SLC12A2: variants seen among roughly 807,000 people sequenced by gnomAD.
SLC12A2 encodes solute carrier family 12 member 2.
SLC12A2 carries 67 observed loss-of-function variants against 136.3 expected under a neutral mutation model. The ratio of observed to expected loss-of-function variants is 0.49; its 90% CI spans 0.40 to 0.60. The LOEUF (loss-of-function observed/expected upper bound fraction) is 0.60, where lower values mean the gene tolerates loss of function less well. Ranked by LOEUF, SLC12A2 falls within the 20% of genes least tolerant of loss-of-function variation. The pLI, the probability that SLC12A2 is intolerant of heterozygous loss-of-function variation, is 0.00. For missense variants in SLC12A2, 1,322 were observed against 1,534.7 expected (o/e 0.86, Z 2.32); for synonymous variants, 619 against 562.9 (o/e 1.10, Z -1.41).
At chr5:128,166,937 T>C (rs1052966527) in intron 17 of SLC12A2, among the ~76,000 whole-genome samples, 2 of 152,092 alleles carry the variant, frequency 1.3e-5, no homozygotes, top group Admixed American at 6.6e-5. Flanking sequence ...TGGCCCTCTG[T>C]GTCTGCAGGT....
At chr5:128,107,513 G>C (rs759418181) in intron 1 of SLC12A2, among the ~76,000 whole-genome samples, 22 of 152,060 alleles carry the variant, frequency 1.4e-4, no homozygotes, top group African/African-American at 2.4e-5. Flanking sequence ...TCATTGTTCA[G>C]CTCCCACTTA....
In SLC12A2 at chr5:128,089,359, A is replaced by G. The variant is rs182812468; in HGVS notation, c.756+4649A>G. Among the ~76,000 whole-genome samples, 38 of 152,218 alleles carry G rather than the reference A, an allele frequency of 2.5e-4. 1 individual carries two copies. The highest frequency in any genetic ancestry group is 4.7e-4 in the Non-Finnish European group (32 of 68,010). On this transcript the variant is annotated intron_variant, in intron 1 of 26. Transcript: ENST00000262461. ...ACTGTGATTATGCCTGTGAACAGCC[A>G]CTGCGCTTCAGCATGGGCAAAACAG...
chr5:128,104,158 T>A (rs1192110282), intron 1 of SLC12A2, among the ~76,000 whole-genome samples: 4 of 152,052 alleles, frequency 2.6e-5, no homozygotes, highest in South Asian at 4.1e-4. Flanking sequence ...CCTGGAACAT[T>A]GATTAAAAGG....
chr5:128,109,372 G>A (rs948760170), intron 1 of SLC12A2: 8 of 313,674 alleles, frequency 2.6e-5, no homozygotes, highest in African/African-American at 6.5e-5. Context: ...CAGGCAGCAC[G>A]CTTTGGAGTC....
At position 128,161,763 on chromosome 5, in the gene SLC12A2, C is replaced by A. The variant is rs1258275008; in HGVS notation, c.2579C>A (p.Ala860Glu). ...KMKAFYAPVH[A>E]DDLREGAQYL... ...AAGGCATTTTATGCTCCAGTACATG[C>A]AGATGACTTGAGAGAAGGTGCACAG... The change falls in exon 17 of 27, where the codon GCA (alanine) becomes GAA (glutamate). Residue 860 changes from alanine (A) to glutamate (E), a missense_variant. Ala to Glu is a moderately radical substitution (Grantham distance 107). Transcript: ENST00000262461. 1.3e-6 allele frequency: 2 copies of A among 1,507,860 alleles called. No homozygotes were observed. The highest frequency in any genetic ancestry group is 1.4e-5 in the African/African-American group (1 of 69,872). The allele number at this position is 1,507,860 out of a possible 1,614,324, so 93.4% of individuals were successfully genotyped here. A position where few individuals can be genotyped will look rare whatever the true frequency, so the allele number is the denominator to read the frequency against.
chr5:128,155,520 A>G (rs1431721673), intron 15 of SLC12A2, among the ~76,000 whole-genome samples: 1 of 152,174 alleles, frequency 6.6e-6, no homozygotes, highest in Non-Finnish European at 1.5e-5. Context: ...TTTCTTTGCT[A>G]CATAGCTTTT....
chr5:128,141,270 C>G (rs1762355600), intron 9 of SLC12A2, among the ~76,000 whole-genome samples: 1 of 152,138 alleles, frequency 6.6e-6, no homozygotes, highest in African/African-American at 2.4e-5. Context: ...TCACTCTGCT[C>G]TATGGGTTCT....
chr5:128,116,394 A>AATAT (rs60538639), intron 4 of SLC12A2, among the ~76,000 whole-genome samples: 212 of 144,260 alleles, frequency 1.5e-3, no homozygotes, highest in East Asian at 6.4e-3. Context: ...TGTATATATA[A>AATAT]ATATATATAT....
intron 17 of SLC12A2, among the ~76,000 whole-genome samples, chr5:128,163,873 G>A (rs761605114): frequency 6.6e-6 from 1 of 152,056 alleles, no homozygotes; most frequent in Non-Finnish European, 1.5e-5. Context: ...GTTTCTTAAC[G>A]GCGCGGTAGA....
chr5:128,155,091 T>A (rs1581118976), intron 15 of SLC12A2, among the ~76,000 whole-genome samples: 1 of 152,144 alleles, frequency 6.6e-6, no homozygotes, highest in Non-Finnish European at 1.5e-5. Flanking sequence ...GTTGATCTGA[T>A]AACCAGGACA....
intron 2 of SLC12A2, 74 bp from the exon 3 acceptor site, chr5:128,114,134 TTGAC>T (rs907509674): frequency 5.9e-6 from 6 of 1,009,666 alleles, no homozygotes; most frequent in Non-Finnish European, 9.2e-6. Context: ...ATGTTCTACT[TTGAC>T]TGGTTTAATG....
chr5:128,152,955 T>G lies in SLC12A2; in HGVS notation c.2363+150T>G, dbSNP rs1561690368. 1.2e-5 allele frequency: 7 copies of G among 590,834 alleles called. No homozygotes were observed. In the Admixed American group the frequency reaches 2.1e-4, roughly 17 times the overall value. The allele number at this position is 590,834 out of a possible 1,614,324, so 36.6% of individuals were successfully genotyped here. A position where few individuals can be genotyped will look rare whatever the true frequency, so the allele number is the denominator to read the frequency against. On this transcript the variant is annotated intron_variant, in intron 15 of 26. Transcript: ENST00000262461. ...AGAACAAAATTGTACAAAGAAAAAT[T>G]AATATCTACCTTAAAAAATGTTATG...
Position 128,126,971 on chromosome 5 carries a change from T to TATATATATATATATATATATAA in SLC12A2, c.1049-4096_1049-4095insATATATATATATATATATATAA, listed in dbSNP as rs1347112296. 1.5e-4 allele frequency among the ~76,000 whole-genome samples: 19 copies of TATATATATATATATATATATAA among 122,992 alleles called. 1 individual carries two copies. Among genetic ancestry groups the TATATATATATATATATATATAA allele is most frequent in the African/African-American group, 7.3e-4 (19 of 26,050 alleles). 80.7% of individuals were successfully genotyped at this position (122,992 alleles called of 152,430 possible). ...ATATATATATATATATATATATTTT[T>TATATATATATATATATATATAA]TTTTTTTTTTTTTTTTGCATCTAAA... On this transcript the variant is annotated intron_variant, in intron 4 of 26. Transcript: ENST00000262461.
In SLC12A2 at chr5:128,084,577, A is replaced by C; in HGVS notation, c.623A>C (p.Tyr208Ser). 5 of 1,613,636 alleles carry C rather than the reference A, an allele frequency of 3.1e-6. No homozygotes were observed. Among genetic ancestry groups the C allele is most frequent in the Non-Finnish European group, 4.2e-6 (5 of 1,179,970 alleles). Reference sequence around the variant, plus strand: ...TATTATGATACCCACACCAACACCTACTACCTGCGCACCTTCGGCCACAAC... The same window carrying C: ...TATTATGATACCCACACCAACACCTCCTACCTGCGCACCTTCGGCCACAAC... ...HYYYDTHTNT[Y>S]YLRTFGHNTM... Residue 208 changes from tyrosine to serine, a missense_variant, in exon 1 of 27, where the codon TAC (tyrosine) becomes TCC (serine). By Grantham distance (144) the Tyr-to-Ser change is moderately radical. Around this residue, in one of 8 missense-constraint regions of SLC12A2, gnomAD observed 32 missense variants for 63.6 expected, o/e 0.50. Coordinates refer to ENST00000262461, the MANE Select transcript of SLC12A2 (RefSeq NM_001046.3). The surrounding 1 kb of genome is among the most constrained non-coding windows in gnomAD (Gnocchi z 5.6).
At chr5:128,087,195 G>T (rs529929464) in intron 1 of SLC12A2, among the ~76,000 whole-genome samples, 1 of 152,242 alleles carries the variant, frequency 6.6e-6, no homozygotes, top group Non-Finnish European at 1.5e-5. Context: ...GGTGCATCTT[G>T]CTATATTATA....
chr5:128,135,628 T>C (rs984998547), intron 6 of SLC12A2, 72 bp from the exon 7 acceptor site: 1 of 1,008,290 alleles, frequency 9.9e-7, no homozygotes, highest in South Asian at 1.4e-5. Flanking sequence ...ATGGAAGTTA[T>C]ATTCTAGGGG....
intron 20 of SLC12A2, among the ~76,000 whole-genome samples, chr5:128,176,124 G>C (rs958228163): frequency 6.6e-6 from 1 of 151,992 alleles, no homozygotes; most frequent in Non-Finnish European, 1.5e-5. Context: ...GTCTATCTTG[G>C]TTATTGAAGC....
chr5:128,125,442 C>A (rs1170575866), intron 4 of SLC12A2, among the ~76,000 whole-genome samples: 1 of 152,096 alleles, frequency 6.6e-6, no homozygotes, highest in Non-Finnish European at 1.5e-5. Flanking sequence ...TGTTTACTGG[C>A]CACTTGTACA....
intron 22 of SLC12A2, among the ~76,000 whole-genome samples, chr5:128,180,033 A>C (rs1056793518): frequency 8.2e-6 from 1 of 121,768 alleles, no homozygotes; most frequent in Non-Finnish European, 1.6e-5. Context: ...ACAGTGGCGC[A>C]ATCTCGGCCC....
Sources: allele counts gnomAD v4.1 joint callset (sites outside exome capture counted in the v4.1 genomes callset), GRCh38; gene constraint gnomAD v4.1.1; regional missense constraint gnomAD v4.1.1; non-coding constraint Gnocchi (gnomAD v3.1); transcripts MANE v1.5; gene names NCBI Gene and HGNC (gene_info 2026-07-23, HGNC 2026-07-21).